CADM2: variants seen among roughly 807,000 people sequenced by gnomAD.
CADM2 encodes immunoglobulin superfamily member 4D.
A neutral mutation model predicts 49.8 loss-of-function variants in CADM2; 12 were observed. The ratio of observed to expected loss-of-function variants is 0.24; its 90% confidence interval spans 0.15 to 0.39. The LOEUF (loss-of-function observed/expected upper bound fraction) is 0.39, where lower values mean the gene tolerates loss of function less well. Ranked by LOEUF, CADM2 falls within the 10% of genes least tolerant of loss-of-function variation. CADM2 has a pLI of 1.00. For synonymous variants in CADM2, 214 were observed against 175.4 expected, an observed-to-expected ratio of 1.22 and a Z score of -1.74; for missense variants, 378 against 492.3, an observed-to-expected ratio of 0.77 and a Z score of 2.20.
chr3:85,744,567 CGGGGT>C (rs2068532917), intron 2 of CADM2, among the ~76,000 whole-genome samples: 2 of 151,694 alleles, frequency 1.3e-5, no homozygotes, highest in African/African-American at 4.8e-5. Flanking sequence ...ATGAAATACT[CGGGGT>C]AAGGTCTTAA....
At chr3:85,537,635 A>G (rs2061454787) in intron 1 of CADM2, among the ~76,000 whole-genome samples, 1 of 113,244 alleles carries the variant, frequency 8.8e-6, no homozygotes, top group South Asian at 2.8e-4. Flanking sequence ...ACTATTTAAC[A>G]TGTCTATTTT....
At chr3:85,281,722 A>G (rs1403042194) in intron 1 of CADM2, among the ~76,000 whole-genome samples, 1 of 152,106 alleles carries the variant, frequency 6.6e-6, no homozygotes, top group East Asian at 1.9e-4. Flanking sequence ...TCTTAGAAAA[A>G]TCAACAGGAC....
intron 1 of CADM2, among the ~76,000 whole-genome samples, chr3:85,688,857 T>C (rs1161958122): frequency 5.3e-5 from 8 of 152,130 alleles, no homozygotes; most frequent in African/African-American, 1.7e-4. Flanking sequence ...CATAAGCCAC[T>C]GCACCTGGCC....
chr3:85,120,983 C>A (rs1169617491), intron 1 of CADM2, among the ~76,000 whole-genome samples: 4 of 152,098 alleles, frequency 2.6e-5, no homozygotes, highest in Non-Finnish European at 5.9e-5. Context: ...GGAGCTTAAG[C>A]CCCTTGGAAA....
intron 7 of CADM2, among the ~76,000 whole-genome samples, chr3:85,936,082 C>A (rs920687180): frequency 6.6e-6 from 1 of 151,392 alleles, no homozygotes; most frequent in Non-Finnish European, 1.5e-5. Flanking sequence ...GCTGTTATTT[C>A]TTTTTGTATT....
At chr3:85,929,535 G>A (rs1720337872) in intron 6 of CADM2, among the ~76,000 whole-genome samples, 1 of 151,884 alleles carries the variant, frequency 6.6e-6, no homozygotes, top group Non-Finnish European at 1.5e-5. Context: ...AACATATTAA[G>A]TGCATAAATT....
chr3:85,751,530 G>T (rs1215596674), intron 2 of CADM2, among the ~76,000 whole-genome samples: 1 of 152,090 alleles, frequency 6.6e-6, no homozygotes, highest in African/African-American at 2.4e-5. Context: ...TGGCATCAGA[G>T]ACTTGTCATC....
In CADM2 at chr3:85,599,041, A is replaced by G. The variant is rs370474862; in HGVS notation, c.62-127481A>G. ...TTATATTGAATTTTCTAATTCAAGTACTGAGTTGCACAAAGAACTATTGTC... is the reference window on the plus strand; with the variant it reads ...TTATATTGAATTTTCTAATTCAAGTGCTGAGTTGCACAAAGAACTATTGTC... On this transcript the variant is annotated intron_variant, in intron 1 of 9. Coordinates refer to ENST00000383699, the MANE Select transcript of CADM2 (RefSeq NM_001167675.2). Among the ~76,000 whole-genome samples the G allele has an allele frequency of 4.6e-5, 7 of 152,084 alleles. No homozygotes were observed. In the East Asian group the frequency reaches 1.4e-3, roughly 30 times the overall value.
chr3:85,805,313 T>C (rs1206497264), intron 3 of CADM2: 1 of 152,168 alleles, frequency 6.6e-6, no homozygotes, highest in African/African-American at 2.4e-5. Flanking sequence ...GAAAAGCCTA[T>C]GTATGTGTTT....
At chr3:85,557,391 G>A (rs140733171) in intron 1 of CADM2, among the ~76,000 whole-genome samples, 170 of 151,906 alleles carry the variant, frequency 1.1e-3, no homozygotes, top group African/African-American at 4.0e-3. Context: ...TGAAACAGTA[G>A]ACTCAATTTT....
intron 1 of CADM2, among the ~76,000 whole-genome samples, chr3:85,067,927 T>A (rs535816614): frequency 2.5e-4 from 38 of 152,340 alleles, no homozygotes; most frequent in African/African-American, 7.7e-4. Flanking sequence ...TAACCATTTA[T>A]ACCACCAAAT....
intron 7 of CADM2, among the ~76,000 whole-genome samples, chr3:85,936,822 C>T (rs2108541374): frequency 6.6e-6 from 1 of 151,762 alleles, no homozygotes; most frequent in South Asian, 2.1e-4. Flanking sequence ...ATATTTTTTA[C>T]CATATTAATA....
intron 3 of CADM2, among the ~76,000 whole-genome samples, chr3:85,852,425 T>C (rs533896444): frequency 2.0e-5 from 3 of 152,246 alleles, no homozygotes; most frequent in African/African-American, 7.2e-5. Context: ...CTTTAAGATG[T>C]GTAACACTCT....
intron 1 of CADM2, among the ~76,000 whole-genome samples, chr3:85,336,647 T>C (rs1255759462): frequency 6.6e-6 from 1 of 150,940 alleles, no homozygotes; most frequent in Non-Finnish European, 1.5e-5. Flanking sequence ...ATACCAGTAA[T>C]GTTTTGTTCA....
intron 3 of CADM2, among the ~76,000 whole-genome samples, chr3:85,804,149 T>G (rs2108086845): frequency 6.6e-6 from 1 of 152,246 alleles, no homozygotes; most frequent in South Asian, 2.1e-4. Context: ...TTAAAGTGTA[T>G]GCTCAAATAT....
chr3:85,621,864 G>A (rs1043726883), intron 1 of CADM2, among the ~76,000 whole-genome samples: 11 of 152,214 alleles, frequency 7.2e-5, no homozygotes, highest in African/African-American at 1.9e-4. Context: ...GCATTTTCAC[G>A]TTTTGTAGAT....
chr3:85,938,161 A>C (rs2108544575), intron 7 of CADM2, among the ~76,000 whole-genome samples: 1 of 152,210 alleles, frequency 6.6e-6, no homozygotes, highest in African/African-American at 2.4e-5. Flanking sequence ...CTTCTCCATT[A>C]GATGAAGGCA....
In CADM2 at chr3:85,279,659, C is replaced by A. The variant is rs1175865195; in HGVS notation, c.61+319991C>A. Among the ~76,000 whole-genome samples, 6 of 151,232 alleles carry A rather than the reference C, an allele frequency of 4.0e-5. No homozygotes were observed. The East Asian group carries it at 1.2e-3, about 29-fold the overall frequency. ...ATTGACTACCAATTTTTTTAGTTAT[C>A]TAAAATATTAAGATTTTAATTTTAA... On this transcript the variant is annotated intron_variant, in intron 1 of 9. Coordinates refer to ENST00000383699, the MANE Select transcript of CADM2 (RefSeq NM_001167675.2).
At chr3:85,363,960 A>G (rs377487455) in intron 1 of CADM2, among the ~76,000 whole-genome samples, 1 of 152,196 alleles carries the variant, frequency 6.6e-6, no homozygotes. Flanking sequence ...GAGAGACTTC[A>G]TATTTTATGT....
Sources: allele counts gnomAD v4.1 joint callset (sites outside exome capture counted in the v4.1 genomes callset), GRCh38; gene constraint gnomAD v4.1.1; transcripts MANE v1.5; gene names NCBI Gene and HGNC (gene_info 2026-07-23, HGNC 2026-07-21).